ESRRG: variants seen among roughly 807,000 people sequenced by gnomAD.
The protein encoded by ESRRG is estrogen-related receptor gamma.
In ESRRG, 13 loss-of-function variants were observed where a neutral mutation model predicts 44.0. The ratio of observed to expected loss-of-function variants is 0.30; its 90% confidence interval spans 0.19 to 0.47. ESRRG has a LOEUF of 0.47. ESRRG is among the 20% of genes least tolerant of loss of function. ESRRG has a pLI of 1.00. For synonymous variants in ESRRG, 215 were observed against 214.6 expected, an observed-to-expected ratio of 1.00 and a Z score of -0.02; for missense variants, 395 against 580.6, an observed-to-expected ratio of 0.68 and a Z score of 3.29.
rs1254275701 is a variant in ESRRG at position 216,544,113 on chromosome 1, A to T, written c.862+20106T>A. 2.6e-5 allele frequency among the ~76,000 whole-genome samples: 4 copies of T among 152,170 alleles called. No individual in the cohort carries two copies. The South Asian group carries it at 6.2e-4, about 24-fold the overall frequency. ...ACAATTTCACAGGGATGTTGTAGGT[A>T]TCAAATGCAAGTGAATATTAAATTT... On this transcript the variant is annotated intron_variant, in intron 5 of 6. Coordinates refer to ENST00000408911, the MANE Select transcript of ESRRG (RefSeq NM_001438.4).
intron 2 of ESRRG, among the ~76,000 whole-genome samples, chr1:216,825,063 A>G (rs2095367610): frequency 6.6e-6 from 1 of 152,094 alleles, no homozygotes. Context: ...TTTTTACCAG[A>G]GCTTCCCTTT....
chr1:217,109,508 T>C (rs1278137633), intron 1 of ESRRG, among the ~76,000 whole-genome samples: 1 of 152,172 alleles, frequency 6.6e-6, no homozygotes, highest in East Asian at 1.9e-4. Context: ...AAGCACCCAG[T>C]AGTTCCGCAG....
intron 1 of ESRRG, among the ~76,000 whole-genome samples, chr1:216,941,435 G>A (rs527552312): frequency 1.4e-4 from 22 of 152,236 alleles, no homozygotes; most frequent in South Asian, 2.1e-4. Flanking sequence ...TCTACAACTT[G>A]TCATACTCCC....
At chr1:216,778,765 G>C (rs2093707430) in intron 2 of ESRRG, among the ~76,000 whole-genome samples, 1 of 151,908 alleles carries the variant, frequency 6.6e-6, no homozygotes, top group Admixed American at 6.6e-5. Context: ...CCATCCAGTT[G>C]GGATTCAACC....
At position 216,715,560 on chromosome 1, in the gene ESRRG, A is replaced by G. The variant is rs569855067; in HGVS notation, c.56+7684T>C. The stretch of plus-strand genomic sequence containing the variant: ...GTACTAGGATAATTTGGAATTATGG[A>G]GGGCAAAGGGCAATCAATTGAACAA... On this transcript the variant is annotated intron_variant, in intron 1 of 6. Transcript: ENST00000408911. 3.8e-3 allele frequency among the ~76,000 whole-genome samples: 584 copies of G among 152,252 alleles called. 2 individuals are homozygous for G. The highest frequency in any genetic ancestry group is 7.4e-3 in the Admixed American group (113 of 15,266).
intron 2 of ESRRG, among the ~76,000 whole-genome samples, chr1:216,654,140 A>T (rs1394468785): frequency 1.3e-5 from 2 of 151,590 alleles, no homozygotes; most frequent in Admixed American, 6.6e-5. Flanking sequence ...CAAAAAAAAA[A>T]AATCCACCAA....
Position 216,684,651 on chromosome 1 carries a change from T to C in ESRRG, c.57-7160A>G, listed in dbSNP as rs115978385. Reference sequence around the variant, plus strand: ...TATGAACCGTGATTCTGCTTAAAACTCTGGCTAATCATCTACATCGGCTTT... The same window carrying C: ...TATGAACCGTGATTCTGCTTAAAACCCTGGCTAATCATCTACATCGGCTTT... On this transcript the variant is annotated intron_variant, in intron 1 of 6. Transcript: ENST00000408911. Among the ~76,000 whole-genome samples, 1,005 of 152,330 alleles carry C rather than the reference T, an allele frequency of 6.6e-3. 11 individuals carry two copies. The highest frequency in any genetic ancestry group is 0.023 in the African/African-American group (946 of 41,574).
At chr1:216,963,369 A>G (rs989125484) in intron 1 of ESRRG, among the ~76,000 whole-genome samples, 1 of 152,182 alleles carries the variant, frequency 6.6e-6, no homozygotes, top group African/African-American at 2.4e-5. Context: ...AGGTAAAATC[A>G]TAGAGTATGT....
chr1:217,004,063 A>G (rs932353348), intron 1 of ESRRG, among the ~76,000 whole-genome samples: 3 of 152,174 alleles, frequency 2.0e-5, no homozygotes, highest in Non-Finnish European at 4.4e-5. Context: ...CAGAATCTTG[A>G]TCCCAATATC....
At chr1:217,037,290 G>A (rs1015249211) in intron 1 of ESRRG, among the ~76,000 whole-genome samples, 5 of 152,148 alleles carry the variant, frequency 3.3e-5, no homozygotes, top group Non-Finnish European at 5.9e-5. Context: ...AGACATACTG[G>A]AAACTGGGCA....
rs894691410 is a variant in ESRRG at position 216,874,505 on chromosome 1, T to C, written c.-14+65077A>G. 3.3e-5 allele frequency among the ~76,000 whole-genome samples: 5 copies of C among 152,346 alleles called. No homozygotes were observed. The East Asian group carries it at 9.6e-4, about 29-fold the overall frequency. On this transcript the variant is annotated intron_variant, in intron 2 of 7. Transcript: ENST00000359162. ...AAAACTTAACACACAAACTATTCCC[T>C]GAGAAGCTCTTGTGTCTTCCATGCC...
chr1:217,059,946 G>A (rs116288117), intron 1 of ESRRG, among the ~76,000 whole-genome samples: 2,515 of 151,910 alleles, frequency 0.017, 29 homozygotes, highest in African/African-American at 0.035. Context: ...ATGCACACTG[G>A]GTGACAAATG....
chr1:217,129,949 T>A (rs1363100484), intron 1 of ESRRG, among the ~76,000 whole-genome samples: 1 of 152,098 alleles, frequency 6.6e-6, no homozygotes, highest in Non-Finnish European at 1.5e-5. Flanking sequence ...CTTAAAATAG[T>A]TATAATGATA....
rs537768912 is a variant in ESRRG, at chr1:216,972,133, C to A, written c.-105-32460G>T. On this transcript the variant is annotated intron_variant, in intron 1 of 7. Coordinates refer to the ESRRG transcript ENST00000359162. ...TTTAGCCTTGAATCCACCTATCAGACCAATTGGAGTGCCAGTTGGCTTTCT... is the reference window on the plus strand; with the variant it reads ...TTTAGCCTTGAATCCACCTATCAGAACAATTGGAGTGCCAGTTGGCTTTCT... 1.1e-3 allele frequency among the ~76,000 whole-genome samples: 173 copies of A among 152,160 alleles called. 1 individual carries two copies. Among genetic ancestry groups the A allele is most frequent in the African/African-American group, 4.1e-3 (169 of 41,524 alleles).
intron 3 of ESRRG, among the ~76,000 whole-genome samples, chr1:216,611,758 T>TAA (rs576949958): frequency 1.1e-4 from 16 of 144,430 alleles, no homozygotes; most frequent in African/African-American, 4.0e-4. Context: ...TAGAGGTATG[T>TAA]AAAAAAAAAA....
chr1:216,587,666 A>T (rs1558663741), intron 3 of ESRRG, among the ~76,000 whole-genome samples: 1 of 152,198 alleles, frequency 6.6e-6, no homozygotes, highest in African/African-American at 2.4e-5. Context: ...GAATTTTTTT[A>T]AAATTCACAT....
At chr1:216,835,872 T>C (rs1000136965) in intron 2 of ESRRG, among the ~76,000 whole-genome samples, 1 of 152,194 alleles carries the variant, frequency 6.6e-6, no homozygotes, top group African/African-American at 2.4e-5. Context: ...TTTTTTAATG[T>C]CTTGAGAACA....
intron 2 of ESRRG, among the ~76,000 whole-genome samples, chr1:216,744,434 C>T (rs911402159): frequency 7.9e-5 from 12 of 151,784 alleles, no homozygotes; most frequent in Non-Finnish European, 1.3e-4. Flanking sequence ...TAATCAACTC[C>T]ATCCCATCTG....
At chr1:216,961,346 T>C (rs2069005880) in intron 1 of ESRRG, among the ~76,000 whole-genome samples, 1 of 152,106 alleles carries the variant, frequency 6.6e-6, no homozygotes, top group African/African-American at 2.4e-5. Context: ...AAAAAGAAAA[T>C]TATTTTGCCA....
Sources: allele counts gnomAD v4.1 joint callset (sites outside exome capture counted in the v4.1 genomes callset), GRCh38; gene constraint gnomAD v4.1.1; transcripts MANE v1.5; gene names NCBI Gene and HGNC (gene_info 2026-07-23, HGNC 2026-07-21).